Variants in SMIM14 observed in about 807,000 individuals in gnomAD.
The protein encoded by SMIM14 is chromosome 4 open reading frame 34.
A neutral mutation model predicts 12.6 loss-of-function variants in SMIM14; 5 were observed. That is an observed-to-expected ratio of 0.40 (90% CI 0.21 to 0.83). SMIM14 has a LOEUF of 0.83. Among genes scored for constraint, SMIM14 ranks in the 40% least tolerant of loss-of-function variants. The pLI is 0.37. For missense variants in SMIM14, 86 were observed against 119.1 expected (o/e 0.72, Z 1.29); for synonymous variants, 30 against 40.1 (o/e 0.75, Z 0.95).
intron 4 of SMIM14, among the ~76,000 whole-genome samples, chr4:39,553,323 A>T (rs1445413559): frequency 6.6e-6 from 1 of 152,114 alleles, no homozygotes; most frequent in Non-Finnish European, 1.5e-5. Flanking sequence ...TCAGCCTCCC[A>T]AAGTGCTGGG....
intron 2 of SMIM14, among the ~76,000 whole-genome samples, chr4:39,576,714 T>A: frequency 1.4e-5 from 1 of 69,964 alleles, no homozygotes; most frequent in African/African-American, 6.5e-5. Context: ...TTTTTTTTTT[T>A]TTTTTTTTTT....
intron 2 of SMIM14, among the ~76,000 whole-genome samples, chr4:39,585,736 T>A (rs2110029802): frequency 6.6e-6 from 1 of 152,118 alleles, no homozygotes; most frequent in East Asian, 1.9e-4. Context: ...CAGAAATGTA[T>A]TGTCCTGCAA....
chr4:39,563,069 AT>A (rs998773886), intron 3 of SMIM14, among the ~76,000 whole-genome samples: 1 of 149,688 alleles, frequency 6.7e-6, no homozygotes, highest in Non-Finnish European at 1.5e-5. Flanking sequence ...TCTTTTTTTT[AT>A]TTTTTTTGAG....
chr4:39,557,342 G>T (rs1196498131), intron 3 of SMIM14, among the ~76,000 whole-genome samples: 1 of 151,514 alleles, frequency 6.6e-6, no homozygotes, highest in Non-Finnish European at 1.5e-5. Context: ...AAAATTTTTA[G>T]TAGTGACGAC....
intron 2 of SMIM14, among the ~76,000 whole-genome samples, chr4:39,575,793 CTA>C (rs199626083): frequency 0.012 from 1,675 of 145,002 alleles, 36 homozygotes; most frequent in African/African-American, 0.041. Context: ...TGGGGTTTTG[CTA>C]TGTTACCCAG....
chr4:39,624,523 A>C (rs1424323131), intron 1 of SMIM14, among the ~76,000 whole-genome samples: 2 of 152,178 alleles, frequency 1.3e-5, no homozygotes, highest in Non-Finnish European at 2.9e-5. Context: ...ATAACTATCA[A>C]ATAACTTCCT....
At chr4:39,574,437 T>G (rs942732196) in intron 2 of SMIM14, among the ~76,000 whole-genome samples, 2 of 152,000 alleles carry the variant, frequency 1.3e-5, no homozygotes, top group African/African-American at 4.8e-5. Context: ...GAGACAAGGT[T>G]TCACCATGTT....
chr4:39,584,947 G>T lies in SMIM14; in HGVS notation c.76-12484C>A, dbSNP rs1008011210. ...ATATGCAGGTTGAGCAACCACTCCA[G>T]ATTTTCTCATATACTTTCCCCAGCT... On this transcript the variant is annotated intron_variant, in intron 2 of 4. Coordinates refer to ENST00000295958, the MANE Select transcript of SMIM14 (RefSeq NM_174921.3). Among the ~76,000 whole-genome samples, 38 of 151,890 alleles carry T rather than the reference G, an allele frequency of 2.5e-4. 1 individual carries two copies. Among genetic ancestry groups the T allele is most frequent in the African/African-American group, 8.7e-4 (36 of 41,308 alleles).
At chr4:39,575,737 C>T (rs924310156) in intron 2 of SMIM14, among the ~76,000 whole-genome samples, 1 of 145,264 alleles carries the variant, frequency 6.9e-6, no homozygotes, top group African/African-American at 2.5e-5. Flanking sequence ...GTGCACATCA[C>T]CATGCCCAGC....
intron 2 of SMIM14, among the ~76,000 whole-genome samples, chr4:39,572,933 C>A (rs1712977568): frequency 6.6e-6 from 1 of 151,912 alleles, no homozygotes; most frequent in Admixed American, 6.6e-5. Flanking sequence ...AACTCCTGGG[C>A]TCAAATGATC....
chr4:39,605,006 T>C (rs536033788), intron 2 of SMIM14, 65 bp downstream of exon 2: 48 of 992,934 alleles, frequency 4.8e-5, no homozygotes, highest in Non-Finnish European at 6.8e-5. Context: ...AACCAGTATT[T>C]TCATGAAAAG....
chr4:39,583,870 A>T (rs1478215954), intron 2 of SMIM14: 1 of 152,068 alleles, frequency 6.6e-6, no homozygotes, highest in Middle Eastern at 3.2e-3. Context: ...TAATTTCATC[A>T]TTTCCAAATT....
At chr4:39,605,621 C>CA (rs1714774753) in intron 1 of SMIM14, among the ~76,000 whole-genome samples, 1 of 152,042 alleles carries the variant, frequency 6.6e-6, no homozygotes, top group Admixed American at 6.6e-5. Context: ...AGGTAGATTT[C>CA]AAAAAATAAA....
At chr4:39,615,185 T>G (rs1715176324) in intron 1 of SMIM14, among the ~76,000 whole-genome samples, 1 of 152,292 alleles carries the variant, frequency 6.6e-6, no homozygotes, top group African/African-American at 2.4e-5. Context: ...TCCTCCCACC[T>G]TGGCCTCCCG....
At chr4:39,554,126 G>C (rs1454919671) in intron 4 of SMIM14, among the ~76,000 whole-genome samples, 1 of 152,108 alleles carries the variant, frequency 6.6e-6, no homozygotes, top group African/African-American at 2.4e-5. Flanking sequence ...AATTATTTTA[G>C]GAATTCCACA....
intron 2 of SMIM14, among the ~76,000 whole-genome samples, chr4:39,604,597 T>G (rs1261635841): frequency 6.6e-6 from 1 of 151,860 alleles, no homozygotes; most frequent in African/African-American, 2.4e-5. Context: ...TCATCTCTAA[T>G]GAAATAATTG....
chr4:39,632,532 A>G (rs576319611), intron 1 of SMIM14, among the ~76,000 whole-genome samples: 20 of 145,836 alleles, frequency 1.4e-4, no homozygotes, highest in Admixed American at 1.2e-3. Context: ...AATGGCTCAC[A>G]CCTGTAATCC....
At chr4:39,576,676 ATATATATATTTTTTTTTTTTTTTTTT>A (rs1253830668) in intron 2 of SMIM14, among the ~76,000 whole-genome samples, 1 of 31,032 alleles carries the variant, frequency 3.2e-5, no homozygotes, top group African/African-American at 9.8e-5. Flanking sequence ...ATATATATAT[ATATATATATTTTTTTTTTTTTTTTTT>A]TTTTTTTTTT....
intron 4 of SMIM14, among the ~76,000 whole-genome samples, chr4:39,555,476 G>A (rs908223430): frequency 2.6e-5 from 4 of 152,012 alleles, no homozygotes; most frequent in Admixed American, 6.6e-5. Context: ...CAGGTGATCC[G>A]CCCCCCTTGG....
Sources: gnomAD v4.1 joint callset for allele counts (sites outside exome capture counted in the v4.1 genomes callset) on GRCh38, gnomAD v4.1.1 for gene constraint, MANE v1.5 for transcripts, NCBI Gene and HGNC (gene_info 2026-07-23, HGNC 2026-07-21) for gene names.